The following ZNF600 variants were observed in gnomAD, a reference collection of about 807,000 sequenced individuals.
The protein encoded by ZNF600 is zinc finger protein 600, also known as zinc finger protein KR-ZNF1.
In ZNF600, 4 loss-of-function variants were observed where a neutral mutation model predicts 7.3. The ratio of observed to expected loss-of-function variants is 0.55; its 90% CI spans 0.27 to 1.25. The LOEUF (loss-of-function observed/expected upper bound fraction) is 1.25, where lower values mean the gene tolerates loss of function less well. Ranked by LOEUF, ZNF600 falls within the 50% of genes most tolerant of loss-of-function variation. ZNF600 has a pLI of 0.12. For missense variants in ZNF600, 911 were observed against 922.1 expected (o/e 0.99, Z 0.16); for synonymous variants, 290 against 308.9 (o/e 0.94, Z 0.64).
At chr19:52,786,700 C>T (rs1427938238) in exon 1 of ZNF600, 4 of 301,172 alleles carry the variant, frequency 1.3e-5, no homozygotes, top group Non-Finnish European at 2.9e-5. Context: ...CTGGGAAGTG[C>T]AGACTTAATC....
At chr19:52,812,101 AG>A in the ZNF600 span, among the ~76,000 whole-genome samples, 25 of 90,308 alleles carry the variant, frequency 2.8e-4, 1 homozygote, top group African/African-American at 1.3e-3. Context: ...GGAAGTGAGG[AG>A]CCCCTCTGCC....
At chr19:52,768,245 G>T (rs1225051771) in intron 3 of ZNF600, among the ~76,000 whole-genome samples, 1 of 151,674 alleles carries the variant, frequency 6.6e-6, no homozygotes, top group Non-Finnish European at 1.5e-5. Flanking sequence ...TGGAAATTCT[G>T]TATTTTCAAA....
chr19:52,829,850 G>C, the ZNF600 span, among the ~76,000 whole-genome samples: 1 of 152,098 alleles, frequency 6.6e-6, no homozygotes, highest in African/African-American at 2.4e-5. Context: ...AAATGACGGA[G>C]ACAGGAAAAG....
intron 3 of ZNF600, among the ~76,000 whole-genome samples, chr19:52,771,194 A>G (rs575121954): frequency 4.5e-4 from 69 of 152,180 alleles, no homozygotes; most frequent in African/African-American, 1.6e-3. Flanking sequence ...TCTTTCCCCC[A>G]TGTCAGGACA....
At chr19:52,800,858 A>C in the ZNF600 span, 1 of 1,614,072 alleles carries the variant, frequency 6.2e-7, no homozygotes, top group Non-Finnish European at 8.5e-7. Context: ...CACAAACCTT[A>C]CATTTGTATG....
At chr19:52,809,657 A>G in the ZNF600 span, among the ~76,000 whole-genome samples, 1 of 152,150 alleles carries the variant, frequency 6.6e-6, no homozygotes, top group African/African-American at 2.4e-5. Context: ...AATACAAAAA[A>G]TAGCCAGACG....
chr19:52,770,613 TATAAA>T lies in ZNF600; in HGVS notation c.191-2846_191-2842del, dbSNP rs1225768656. 3.3e-5 allele frequency among the ~76,000 whole-genome samples: 5 copies of T among 149,758 alleles called. No homozygotes were observed. The East Asian group carries it at 9.6e-4, about 29-fold the overall frequency. The stretch of plus-strand genomic sequence containing the variant: ...ACATAGAATGTGTACTGGGAAAATT[TATAAA>T]CAGATCAGAGAAAATATTGTATAAA... On this transcript the variant is annotated intron_variant, in intron 3 of 3. Coordinates refer to ENST00000648973, the Ensembl canonical transcript of ZNF600.
At chr19:52,817,983 C>T in the ZNF600 span, 9 of 1,610,928 alleles carry the variant, frequency 5.6e-6, no homozygotes, top group African/African-American at 9.3e-5. Context: ...CTTTCCTCTT[C>T]CTCTTCTGGG....
chr19:52,776,722 G>T (rs946428137), intron 2 of ZNF600, among the ~76,000 whole-genome samples: 4 of 152,018 alleles, frequency 2.6e-5, no homozygotes, highest in African/African-American at 9.7e-5. Flanking sequence ...AAAACTTATT[G>T]CAAATGAAAA....
chr19:52,807,790 T>C, the ZNF600 span: 29 of 839,400 alleles, frequency 3.5e-5, no homozygotes, highest in African/African-American at 6.9e-5. Context: ...TAAAGTTTTA[T>C]GCCTACTTTA....
chr19:52,779,157 C>A (rs2147551216), intron 1 of ZNF600, among the ~76,000 whole-genome samples: 1 of 152,312 alleles, frequency 6.6e-6, no homozygotes, highest in East Asian at 1.9e-4. Context: ...CTGGGCTGGA[C>A]TGATCTCCCC....
the ZNF600 span, chr19:52,805,195 G>C: frequency 6.6e-6 from 1 of 151,880 alleles, no homozygotes; most frequent in Non-Finnish European, 1.5e-5. Context: ...GCTTGAACCT[G>C]GGAAGTGGAG....
the ZNF600 span, among the ~76,000 whole-genome samples, chr19:52,821,387 C>G: frequency 6.6e-6 from 1 of 152,100 alleles, no homozygotes; most frequent in African/African-American, 2.4e-5. Flanking sequence ...AGCAGAAAGA[C>G]CCGGGACGGG....
intron 2 of ZNF600, among the ~76,000 whole-genome samples, chr19:52,776,337 G>A (rs1033383705): frequency 1.3e-5 from 2 of 151,884 alleles, no homozygotes; most frequent in African/African-American, 2.4e-5. Flanking sequence ...AAGGTCCAAG[G>A]GTAAGAACAC....
At chr19:52,832,758 ATT>A in the ZNF600 span, among the ~76,000 whole-genome samples, 4 of 151,834 alleles carry the variant, frequency 2.6e-5, no homozygotes, top group African/African-American at 9.7e-5. Flanking sequence ...ACAGAGCGAC[ATT>A]TTCTCTCTCT....
In ZNF600 at chr19:52,765,843, TA is replaced by T; in HGVS notation, c.2119del (p.Tyr707ThrfsTer44). 6.2e-7 allele frequency: 1 copy of T among 1,614,032 alleles called. No homozygotes were observed. Among genetic ancestry groups the T allele is most frequent in the South Asian group, 1.1e-5 (1 of 91,076 alleles). ...AACTTTGTCACATGTTTCACATTTG[TA>T]AAGTTTCTCCCCAGCATGAATTCTA... On this transcript the variant is annotated frameshift_variant, in exon 4 of 4. Transcript: ENST00000648973. LOFTEE classifies it low-confidence loss of function (END_TRUNC).
the ZNF600 span, among the ~76,000 whole-genome samples, chr19:52,826,630 C>T: frequency 1.3e-5 from 2 of 152,022 alleles, no homozygotes; most frequent in African/African-American, 2.4e-5. Flanking sequence ...TGCTTGAACC[C>T]GGGAGGCAGA....
At chr19:52,768,265 C>A (rs137863118) in intron 3 of ZNF600, among the ~76,000 whole-genome samples, 1 of 151,328 alleles carries the variant, frequency 6.6e-6, no homozygotes, top group Non-Finnish European at 1.5e-5. Flanking sequence ...ACAATTATAG[C>A]ACCGAGAAGA....
rs1398337024 is a variant in ZNF600 at position 52,778,691 on chromosome 19, T to A, written c.63+135A>T. The stretch of plus-strand genomic sequence containing the variant: ...GAATCTCGGAGCAGCTGAGAGGAAC[T>A]AAGGGCAGGCATGGCTGAGTGTGAG... On this transcript the variant is annotated intron_variant, in intron 2 of 3. Transcript: ENST00000648973. 3 of 1,240,146 alleles carry A rather than the reference T, an allele frequency of 2.4e-6. No homozygotes were observed. The African/African-American group carries it at 4.6e-5, about 19-fold the overall frequency. 76.8% of individuals were successfully genotyped at this position (1,240,146 alleles called of 1,614,324 possible). A position where few individuals can be genotyped will look rare whatever the true frequency, so the allele number is the denominator to read the frequency against.
Sources: gnomAD v4.1 joint callset for allele counts (sites outside exome capture counted in the v4.1 genomes callset) on GRCh38, gnomAD v4.1.1 for gene constraint, MANE v1.5 for transcripts, NCBI Gene and HGNC (gene_info 2026-07-23, HGNC 2026-07-21) for gene names.